Variants in PRELID1 observed in about 807,000 individuals in gnomAD.
PRELID1 encodes the protein PRELI domain containing 1, also known as PRELI domain-containing protein 1, mitochondrial.
In PRELID1, 15 loss-of-function variants were observed where a neutral mutation model predicts 29.0. The ratio of observed to expected loss-of-function variants is 0.52; its 90% CI spans 0.35 to 0.80. The LOEUF is 0.80. Ranked by LOEUF, PRELID1 falls within the 30% of genes least tolerant of loss-of-function variation. The probability of loss-of-function intolerance (pLI) is 0.01; values close to 1 mark genes in which losing one functional copy is unlikely to be tolerated. For synonymous variants in PRELID1, 79 were observed against 106.5 expected (o/e 0.74, Z 1.59); for missense variants, 187 against 275.9 (o/e 0.68, Z 2.28).
Position 177,306,652 on chromosome 5 carries a change from T to A in PRELID1, c.*82T>A. 1 of 1,524,018 alleles carries A rather than the reference T, an allele frequency of 6.6e-7. No individual in the cohort carries two copies. The highest frequency in any genetic ancestry group is 8.9e-7 in the Non-Finnish European group (1 of 1,129,094). 94.4% of individuals were successfully genotyped at this position (1,524,018 alleles called of 1,614,324 possible). On this transcript the variant is annotated 3_prime_UTR_variant, in exon 5 of 5. Transcript: ENST00000303204. ...CTTCATTGTACTTTATCATTAAAAA[T>A]CAACTTCCAGCCCTGTCTGCTGTCT...
In PRELID1 at chr5:177,304,815, A is replaced by C. The variant is rs200241980; in HGVS notation, c.283A>C (p.Thr95Pro). Residue 95 changes from threonine to proline, a missense_variant, in exon 2 of 5, where the codon ACC becomes CCC. Thr to Pro is a conservative substitution (Grantham distance 38). Transcript: ENST00000303204. ...GGACCCACAGAATCAGACCATGACT[A>C]CCTTCACCTGGAACATCAACCACGC... is the stretch of plus-strand genomic sequence containing the variant. ...IVDPQNQTMT[T>P]FTWNINHARL... is the part of the protein sequence containing the mutation. 1.2e-6 allele frequency: 2 copies of C among 1,613,508 alleles called. No individual in the cohort carries two copies. Among genetic ancestry groups the C allele is most frequent in the Non-Finnish European group, 1.7e-6 (2 of 1,179,660 alleles).
At chr5:177,306,384 G>A in intron 4 of PRELID1, 38 bp from the exon 5 acceptor site, 1 of 1,613,272 alleles carries the variant, frequency 6.2e-7, no homozygotes, top group Non-Finnish European at 8.5e-7. Context: ...TGGTCTTTCA[G>A]GCATCTTCTA....
At chr5:177,304,303 C>T in intron 1 of PRELID1, 1 of 601,660 alleles carries the variant, frequency 1.7e-6, no homozygotes, top group South Asian at 2.0e-5. Flanking sequence ...TGTGGTGAGA[C>T]AAGAAGAGGC....
At position 177,304,724 on chromosome 5, in the gene PRELID1, C is replaced by T. The variant is rs1248330844; in HGVS notation, c.192C>T (p.Arg64=). 2 of 1,614,024 alleles carry T rather than the reference C, an allele frequency of 1.2e-6. No individual in the cohort carries two copies. Among genetic ancestry groups the T allele is most frequent in the South Asian group, 2.2e-5 (2 of 91,072 alleles). Residue 64 remains arginine, a synonymous_variant, in exon 2 of 5, where the codon CGC becomes CGT. Transcript: ENST00000303204. ...TGACCAAGACCAACAGGATGCCACG[C>T]TGGGCCGAGCGACTATTTCCTGCCA... ...RLLTKTNRMP[R]WAERLFPANV...
chr5:177,306,697 T>C lies in PRELID1; in HGVS notation c.*127T>C. 2.9e-6 allele frequency: 4 copies of C among 1,375,186 alleles called. No homozygotes were observed. The highest frequency in any genetic ancestry group is 3.9e-6 in the Non-Finnish European group (4 of 1,019,684). The allele number at this position is 1,375,186 out of a possible 1,614,324, so 85.2% of individuals were successfully genotyped here. A position where few individuals can be genotyped will look rare whatever the true frequency, so the allele number is the denominator to read the frequency against. Reference sequence around the variant, plus strand: ...CTGTCTACGTGGTGGGTTGTGGGGATGCAGTTTGGCATCTGCAGTACACCA... The same window carrying C: ...CTGTCTACGTGGTGGGTTGTGGGGACGCAGTTTGGCATCTGCAGTACACCA... On this transcript the variant is annotated 3_prime_UTR_variant, in exon 5 of 5. Transcript: ENST00000303204.
Position 177,306,720 on chromosome 5 carries a change from C to G in PRELID1, c.*150C>G. On this transcript the variant is annotated 3_prime_UTR_variant, in exon 5 of 5. Coordinates refer to ENST00000303204, the MANE Select transcript of PRELID1 (RefSeq NM_013237.4). ...GATGCAGTTTGGCATCTGCAGTACA[C>G]CAAGCACATGATTCATGTCTGAGCC... 2 of 1,182,564 alleles carry G rather than the reference C, an allele frequency of 1.7e-6. No individual in the cohort carries two copies. The highest frequency in any genetic ancestry group is 2.5e-5 in the Admixed American group (1 of 39,466). 73.3% of individuals were successfully genotyped at this position (1,182,564 alleles called of 1,614,324 possible). A position where few individuals can be genotyped will look rare whatever the true frequency, so the allele number is the denominator to read the frequency against.
intron 1 of PRELID1, chr5:177,304,297 G>T: frequency 1.7e-6 from 1 of 604,332 alleles, no homozygotes; most frequent in South Asian, 2.0e-5. Context: ...TCTCAGTGTG[G>T]TGAGACAAGA....
chr5:177,304,148 A>C, intron 1 of PRELID1, 71 bp downstream of exon 1: 1 of 1,406,722 alleles, frequency 7.1e-7, no homozygotes, highest in East Asian at 2.3e-5. Flanking sequence ...GTAACCCCCA[A>C]GTACTGGGAC....
chr5:177,304,620 T>C lies in PRELID1; in HGVS notation c.93-5T>C, dbSNP rs1430767392. ...TGAGGGTCACCTTCACCCTGACACC[T>C]GCAGCAAACATGTCTTGACGGAAGA... On this transcript the variant is annotated splice_region_variant and splice_polypyrimidine_tract_variant and intron_variant, in intron 1 of 4. Coordinates refer to ENST00000303204, the MANE Select transcript of PRELID1 (RefSeq NM_013237.4). 1 of 1,610,312 alleles carries C rather than the reference T, an allele frequency of 6.2e-7. No homozygotes were observed. Among genetic ancestry groups the C allele is most frequent in the South Asian group, 1.1e-5 (1 of 90,974 alleles).
chr5:177,304,415 G>A, intron 1 of PRELID1: 2 of 669,300 alleles, frequency 3.0e-6, no homozygotes, highest in Admixed American at 4.3e-5. Flanking sequence ...ATTCCTGCTA[G>A]AAGGCAGGAA....
intron 2 of PRELID1, among the ~76,000 whole-genome samples, chr5:177,305,243 C>T (rs1201403566): frequency 6.6e-6 from 1 of 151,240 alleles, no homozygotes; most frequent in African/African-American, 2.4e-5. Flanking sequence ...TGACAAGAGT[C>T]TCACCCAGGT....
chr5:177,304,100 A>G, intron 1 of PRELID1, 23 bp downstream of exon 1: 1 of 1,598,288 alleles, frequency 6.3e-7, no homozygotes, highest in South Asian at 1.1e-5. Flanking sequence ...TGGAAGAGCA[A>G]AACCGCGCCA....
intron 1 of PRELID1, 47 bp downstream of exon 1, chr5:177,304,124 A>C: frequency 6.5e-7 from 1 of 1,537,908 alleles, no homozygotes; most frequent in Non-Finnish European, 8.9e-7. Flanking sequence ...CGCTATCTGG[A>C]GATCGAATTA....
At chr5:177,305,210 TTC>T (rs1357616066) in intron 2 of PRELID1, among the ~76,000 whole-genome samples, 2 of 151,998 alleles carry the variant, frequency 1.3e-5, no homozygotes, top group Admixed American at 6.6e-5. Flanking sequence ...TTTTTTTTTT[TTC>T]TGTTTTTTGT....
intron 1 of PRELID1, chr5:177,304,334 G>C: frequency 5.0e-6 from 3 of 597,940 alleles, no homozygotes; most frequent in Non-Finnish European, 8.9e-6. Context: ...GAGTTGGGAG[G>C]GATCTTGGAG....
At chr5:177,305,501 C>T (rs746886242) in intron 2 of PRELID1, 7 of 261,830 alleles carry the variant, frequency 2.7e-5, no homozygotes, top group East Asian at 1.0e-4. Flanking sequence ...GCCACCGCGC[C>T]GGGCAAATGT....
At position 177,303,832 on chromosome 5, in the gene PRELID1, C is replaced by T. The variant is rs1161760002; in HGVS notation, c.-154C>T. On this transcript the variant is annotated 5_prime_UTR_variant, in exon 1 of 5. Coordinates refer to ENST00000303204, the MANE Select transcript of PRELID1 (RefSeq NM_013237.4). The surrounding 1 kb of genome is among the most constrained non-coding windows in gnomAD (Gnocchi z 6.1). Reference sequence around the variant, plus strand: ...GGACAACTCATGGCGGCGGCGGCGGCGGCGGCAGCTGCTTGGGCGCGGTGC... The same window carrying T: ...GGACAACTCATGGCGGCGGCGGCGGTGGCGGCAGCTGCTTGGGCGCGGTGC... 9 of 498,424 alleles carry T rather than the reference C, an allele frequency of 1.8e-5. No homozygotes were observed. The highest frequency in any genetic ancestry group is 4.6e-5 in the South Asian group (1 of 21,624). The allele number at this position is 498,424 out of a possible 1,614,324, so 30.9% of individuals were successfully genotyped here.
At chr5:177,305,090 T>C (rs1343777539) in intron 2 of PRELID1, among the ~76,000 whole-genome samples, 1 of 152,198 alleles carries the variant, frequency 6.6e-6, no homozygotes, top group Non-Finnish European at 1.5e-5. Flanking sequence ...GTACCTATCT[T>C]ACGGAGTTGT....
chr5:177,305,753 G>A lies in PRELID1; in HGVS notation c.319-118G>A, dbSNP rs1251072417. 1.1e-5 allele frequency: 9 copies of A among 825,478 alleles called. No homozygotes were observed. The Admixed American group carries it at 1.9e-4, about 18-fold the overall frequency. 51.1% of individuals were successfully genotyped at this position (825,478 alleles called of 1,614,324 possible). A position where few individuals can be genotyped will look rare whatever the true frequency, so the allele number is the denominator to read the frequency against. ...AGTGCCACTTGGAGGTGCAGTCAGG[G>A]GAAGGAATGGATTTTCATTGTATTG... On this transcript the variant is annotated intron_variant, in intron 2 of 4. Coordinates refer to ENST00000303204, the MANE Select transcript of PRELID1 (RefSeq NM_013237.4).
Sources: gnomAD v4.1 joint callset for allele counts (sites outside exome capture counted in the v4.1 genomes callset) on GRCh38, gnomAD v4.1.1 for gene constraint, Gnocchi (gnomAD v3.1) non-coding constraint, MANE v1.5 for transcripts, NCBI Gene and HGNC (gene_info 2026-07-23, HGNC 2026-07-21) for gene names.